The following CGNL1 variants were observed in gnomAD, a reference collection of about 807,000 sequenced individuals.
CGNL1 encodes cingulin like 1, also known as cingulin-like protein 1.
Under a neutral mutation model 141.2 loss-of-function variants are expected in CGNL1, and 132 were observed. The ratio of observed to expected loss-of-function variants is 0.93; its 90% CI spans 0.81 to 1.08. CGNL1 has a LOEUF of 1.08. Ranked by LOEUF, CGNL1 falls within the 50% of genes least tolerant of loss-of-function variation. The pLI is 0.00. For synonymous variants in CGNL1, 690 were observed against 622.1 expected (o/e 1.11, Z -1.63); for missense variants, 1,870 against 1,588.6 (o/e 1.18, Z -3.01).
intron 8 of CGNL1, among the ~76,000 whole-genome samples, chr15:57,488,456 A>G (rs1381289989): frequency 4.6e-5 from 7 of 152,162 alleles, no homozygotes; most frequent in African/African-American, 1.7e-4. Flanking sequence ...CTAAGAAACC[A>G]TTTCCTCATC....
At position 57,478,518 on chromosome 15, in the gene CGNL1, C is replaced by T. The variant is rs1441014682; in HGVS notation, c.2403+16626C>T. ...CTGTAGACATTGCTACCTCCCTTTC[C>T]TGAAATAAAGCCTGCTCCAGAGCAG... is the stretch of plus-strand genomic sequence containing the variant. On this transcript the variant is annotated intron_variant, in intron 8 of 18. Transcript: ENST00000281282. Among the ~76,000 whole-genome samples the T allele has an allele frequency of 2.0e-5, 3 of 152,268 alleles. No homozygotes were observed. The East Asian group carries it at 5.8e-4, about 29-fold the overall frequency.
At chr15:57,527,627 GC>G (rs2031694617) in intron 12 of CGNL1, 2 of 152,248 alleles carry the variant, frequency 1.3e-5, no homozygotes, top group African/African-American at 4.8e-5. Context: ...ACACTGACTG[GC>G]CCTTGTGAAT....
intron 1 of CGNL1, among the ~76,000 whole-genome samples, chr15:57,408,097 G>A (rs1323911537): frequency 6.6e-6 from 1 of 152,118 alleles, no homozygotes; most frequent in Non-Finnish European, 1.5e-5. Flanking sequence ...GGCAGTGAGA[G>A]GGTGCAGTAA....
chr15:57,495,334 G>T (rs2063922411), intron 8 of CGNL1, among the ~76,000 whole-genome samples: 2 of 152,182 alleles, frequency 1.3e-5, no homozygotes, highest in South Asian at 4.1e-4. Flanking sequence ...TGGATTGTAA[G>T]ATGCAGTGAC....
In CGNL1 at chr15:57,417,795, T is replaced by G. The variant is rs545076157; in HGVS notation, c.-15-20190T>G. Among the ~76,000 whole-genome samples the G allele has an allele frequency of 1.2e-3, 188 of 152,260 alleles. 7 individuals carry two copies. Among genetic ancestry groups the G allele is most frequent in the Middle Eastern group, 3.4e-3 (1 of 294 alleles). On this transcript the variant is annotated intron_variant, in intron 1 of 18. Transcript: ENST00000281282. ...ATGGATGATGGAGACAAATATTAAT[T>G]AAAACAAAAATCATCTAAATGTGAA...
intron 8 of CGNL1, among the ~76,000 whole-genome samples, chr15:57,493,212 G>T (rs557117655): frequency 6.6e-6 from 1 of 152,226 alleles, no homozygotes; most frequent in Admixed American, 6.5e-5. Flanking sequence ...CCTTTCTTTT[G>T]AAGATATTAA....
intron 11 of CGNL1, among the ~76,000 whole-genome samples, chr15:57,524,336 G>A (rs552828140): frequency 6.6e-6 from 1 of 152,306 alleles, no homozygotes; most frequent in East Asian, 1.9e-4. Flanking sequence ...CTGGTAAGTG[G>A]CACAGCAGCC....
At position 57,534,283 on chromosome 15, in the gene CGNL1, T is replaced by C. The variant is rs565322866; in HGVS notation, c.3291+2504T>C. Among the ~76,000 whole-genome samples, 3 of 152,312 alleles carry C rather than the reference T, an allele frequency of 2.0e-5. No homozygotes were observed. In the East Asian group the frequency reaches 5.8e-4, roughly 29 times the overall value. ...CTGAGATAGGGAGGGTATAGCCTGG[T>C]GTTTGTTATAAGTGGAGAAATTGAG... On this transcript the variant is annotated intron_variant, in intron 14 of 18. Coordinates refer to ENST00000281282, the MANE Select transcript of CGNL1 (RefSeq NM_032866.5).
intron 1 of CGNL1, among the ~76,000 whole-genome samples, chr15:57,396,348 C>T (rs1351491596): frequency 6.7e-6 from 1 of 149,992 alleles, no homozygotes; most frequent in Non-Finnish European, 1.5e-5. Flanking sequence ...GATCTCAGCT[C>T]ACTGCAACCT....
intron 1 of CGNL1, among the ~76,000 whole-genome samples, chr15:57,388,678 A>G (rs1383865335): frequency 1.3e-5 from 2 of 152,254 alleles, no homozygotes; most frequent in Non-Finnish European, 2.9e-5. Context: ...TCCATGGGAC[A>G]GGGTGATGTT....
intron 16 of CGNL1, 86 bp downstream of exon 16, chr15:57,544,683 T>C: frequency 6.8e-7 from 1 of 1,478,430 alleles, no homozygotes; most frequent in Non-Finnish European, 9.1e-7. Flanking sequence ...TTGGGATCTG[T>C]CCTGATCCTC....
chr15:57,453,896 T>TG (rs1440603329), intron 7 of CGNL1, 78 bp downstream of exon 7: 3 of 1,545,880 alleles, frequency 1.9e-6, no homozygotes, highest in Non-Finnish European at 2.7e-6. Context: ...GTTTGTGGAC[T>TG]GCAAGCCACT....
intron 8 of CGNL1, among the ~76,000 whole-genome samples, chr15:57,515,259 A>T (rs1375462391): frequency 6.6e-6 from 1 of 152,056 alleles, no homozygotes; most frequent in Non-Finnish European, 1.5e-5. Flanking sequence ...CTTCATTCTA[A>T]CTCAGTTGCT....
chr15:57,531,812 G>T, intron 14 of CGNL1, 33 bp downstream of exon 14: 1 of 1,361,484 alleles, frequency 7.3e-7, no homozygotes, highest in Non-Finnish European at 1.1e-6. Flanking sequence ...TGCGTGGATT[G>T]TCCTGTGTGA....
chr15:57,495,680 A>C (rs564860475), intron 8 of CGNL1, among the ~76,000 whole-genome samples: 2 of 152,254 alleles, frequency 1.3e-5, no homozygotes, highest in African/African-American at 4.8e-5. Context: ...GATTTTGGGG[A>C]GGCACTTATA....
intron 1 of CGNL1, among the ~76,000 whole-genome samples, chr15:57,416,006 T>G (rs1429335544): frequency 2.6e-5 from 4 of 152,172 alleles, no homozygotes; most frequent in African/African-American, 9.7e-5. Context: ...ACCTCCTCTC[T>G]GAGACTGAAC....
intron 12 of CGNL1, 49 bp from the exon 13 acceptor site, chr15:57,528,605 A>G (rs1421916629): frequency 4.4e-6 from 7 of 1,600,018 alleles, no homozygotes; most frequent in South Asian, 1.1e-5. Flanking sequence ...GGAGGTCTCT[A>G]TGCTCTTGAT....
chr15:57,409,238 A>G (rs2062759076), intron 1 of CGNL1, among the ~76,000 whole-genome samples: 1 of 152,188 alleles, frequency 6.6e-6, no homozygotes, highest in Admixed American at 6.5e-5. Context: ...CAAGCTCAGG[A>G]AGCAGAGGGG....
chr15:57,420,200 C>G (rs541651939), intron 1 of CGNL1, among the ~76,000 whole-genome samples: 4 of 152,264 alleles, frequency 2.6e-5, no homozygotes, highest in Admixed American at 2.6e-4. Context: ...TCAAAGAACC[C>G]TGCTTCCTTT....
Sources: allele counts gnomAD v4.1 joint callset (sites outside exome capture counted in the v4.1 genomes callset), GRCh38; gene constraint gnomAD v4.1.1; transcripts MANE v1.5; gene names NCBI Gene and HGNC (gene_info 2026-07-23, HGNC 2026-07-21).